Variants in CHN2 observed in about 807,000 individuals in gnomAD.
CHN2 encodes the protein chimerin 2, also known as beta-chimaerin.
A neutral mutation model predicts 56.3 loss-of-function variants in CHN2; 35 were observed. That is an observed-to-expected ratio of 0.62 (90% CI 0.47 to 0.82). The LOEUF is 0.82. CHN2 is among the 40% of genes least tolerant of loss of function. CHN2 has a pLI of 0.00. For synonymous variants in CHN2, 210 were observed against 212.8 expected (o/e 0.99, Z 0.12); for missense variants, 491 against 580.5 (o/e 0.85, Z 1.58).
intron 6 of CHN2, among the ~76,000 whole-genome samples, chr7:29,457,996 T>C (rs1444860124): frequency 1.3e-5 from 2 of 152,214 alleles, no homozygotes; most frequent in Admixed American, 6.5e-5. Context: ...AAATAAATCA[T>C]AGTAATACTA....
At chr7:29,366,900 A>G (rs1799208866) in intron 2 of CHN2, among the ~76,000 whole-genome samples, 1 of 152,366 alleles carries the variant, frequency 6.6e-6, no homozygotes, top group Admixed American at 6.5e-5. Flanking sequence ...CCATATGATC[A>G]CTACCCTTCA....
intron 2 of CHN2, among the ~76,000 whole-genome samples, chr7:29,177,278 G>A (rs1166468178): frequency 1.3e-5 from 2 of 149,684 alleles, no homozygotes; most frequent in Non-Finnish European, 1.5e-5. Context: ...TTTTGAGACA[G>A]AGTCTCACTC....
At chr7:29,217,386 C>CT in intron 1 of CHN2, among the ~76,000 whole-genome samples, 1 of 152,264 alleles carries the variant, frequency 6.6e-6, no homozygotes, top group East Asian at 1.9e-4. Flanking sequence ...CTCAAGGGCT[C>CT]TTTATCAGTC....
intron 1 of CHN2, among the ~76,000 whole-genome samples, chr7:29,321,029 G>A (rs1795302740): frequency 1.3e-5 from 2 of 152,232 alleles, no homozygotes; most frequent in Admixed American, 1.3e-4. Flanking sequence ...CCTTGAGAAT[G>A]AGATCGCTTT....
chr7:29,327,859 A>G lies in CHN2; in HGVS notation c.50-26766A>G, dbSNP rs138290141. ...AGTTTGGTCTTTGCACTTATTTTTT[A>G]TTCATTTTGTAGCCGGAATGTTGTT... On this transcript the variant is annotated intron_variant, in intron 1 of 12. Transcript: ENST00000222792. Among the ~76,000 whole-genome samples the G allele has an allele frequency of 2.8e-3, 432 of 152,282 alleles. 1 individual carries two copies. The highest frequency in any genetic ancestry group is 1.0e-2 in the African/African-American group (415 of 41,572).
chr7:29,354,972 A>ATTTT (rs869304476), intron 2 of CHN2, among the ~76,000 whole-genome samples: 9 of 135,316 alleles, frequency 6.7e-5, no homozygotes, highest in African/African-American at 2.3e-4. Flanking sequence ...TTATTTATTT[A>ATTTT]TTTTTTATTT....
chr7:29,261,749 G>A lies in CHN2; in HGVS notation c.49+66759G>A, dbSNP rs546896837. On this transcript the variant is annotated intron_variant, in intron 1 of 12. Transcript: ENST00000222792. ...GCTCATAGAGGTCACCTAATGGAAT[G>A]ACTTTAAAAAGGAAGGAAATCTGCA... is the stretch of plus-strand genomic sequence containing the variant. Among the ~76,000 whole-genome samples the A allele has an allele frequency of 4.6e-5, 7 of 152,306 alleles. No individual in the cohort carries two copies. The South Asian group carries it at 1.5e-3, about 32-fold the overall frequency.
At chr7:29,316,311 T>C (rs1384599918) in intron 1 of CHN2, among the ~76,000 whole-genome samples, 3 of 152,192 alleles carry the variant, frequency 2.0e-5, no homozygotes, top group Non-Finnish European at 2.9e-5. Flanking sequence ...TAAAATCAGG[T>C]CTTATAAGAT....
chr7:29,436,747 C>G (rs1247514489), intron 6 of CHN2, among the ~76,000 whole-genome samples: 1 of 152,114 alleles, frequency 6.6e-6, no homozygotes, highest in African/African-American at 2.4e-5. Context: ...ATTTCTGATA[C>G]TTCTGATTCT....
chr7:29,335,669 CTT>C (rs1489197946), intron 1 of CHN2: 1 of 152,226 alleles, frequency 6.6e-6, no homozygotes, highest in Non-Finnish European at 1.5e-5. Context: ...AGGAAGGAGA[CTT>C]ACAATAAACT....
intron 2 of CHN2, among the ~76,000 whole-genome samples, chr7:29,175,278 G>T (rs1797153594): frequency 6.6e-6 from 1 of 151,688 alleles, no homozygotes; most frequent in Non-Finnish European, 1.5e-5. Flanking sequence ...GGGTTCAAGT[G>T]ATTCTCCTGC....
intron 1 of CHN2, chr7:29,212,973 C>G: frequency 6.2e-7 from 1 of 1,609,548 alleles, no homozygotes; most frequent in Non-Finnish European, 8.5e-7. Context: ...ACACTCAGAC[C>G]TGGTGCACCC....
intron 10 of CHN2, 22 bp from the exon 11 acceptor site, chr7:29,507,206 T>G: frequency 2.5e-6 from 4 of 1,596,384 alleles, no homozygotes; most frequent in African/African-American, 1.4e-5. Context: ...AATTAGGACT[T>G]GGATCACTGA....
chr7:29,394,548 A>G (rs535862275), intron 4 of CHN2, among the ~76,000 whole-genome samples: 1 of 152,264 alleles, frequency 6.6e-6, no homozygotes, highest in Non-Finnish European at 1.5e-5. Flanking sequence ...AGCCCCGTGC[A>G]CCTTCCTAAT....
intron 2 of CHN2, among the ~76,000 whole-genome samples, chr7:29,188,605 T>C (rs1406391050): frequency 1.3e-5 from 2 of 151,788 alleles, no homozygotes; most frequent in Non-Finnish European, 2.9e-5. Flanking sequence ...GAAATGAAAA[T>C]ATTGATTCAG....
At chr7:29,348,163 C>T (rs569300607) in intron 1 of CHN2, among the ~76,000 whole-genome samples, 49 of 152,266 alleles carry the variant, frequency 3.2e-4, no homozygotes, top group Middle Eastern at 3.4e-3. Context: ...GCTTTTATGC[C>T]ACCTATTCCC....
At chr7:29,314,443 A>T (rs137974784) in intron 1 of CHN2, among the ~76,000 whole-genome samples, 2 of 152,204 alleles carry the variant, frequency 1.3e-5, no homozygotes, top group East Asian at 3.8e-4. Context: ...GGATGAGGAG[A>T]GTTCTAAAGA....
chr7:29,336,658 T>A (rs1796634467), intron 1 of CHN2, among the ~76,000 whole-genome samples: 1 of 147,488 alleles, frequency 6.8e-6, no homozygotes, highest in Non-Finnish European at 1.5e-5. Flanking sequence ...TACTCCAGAG[T>A]CTGAGGCAGA....
At chr7:29,178,906 A>G (rs1291364650) in intron 2 of CHN2, among the ~76,000 whole-genome samples, 1 of 152,228 alleles carries the variant, frequency 6.6e-6, no homozygotes, top group Non-Finnish European at 1.5e-5. Flanking sequence ...GAGTTATTAC[A>G]AACTAATAAA....
Sources: gnomAD v4.1 joint callset for allele counts (sites outside exome capture counted in the v4.1 genomes callset) on GRCh38, gnomAD v4.1.1 for gene constraint, MANE v1.5 for transcripts, NCBI Gene and HGNC (gene_info 2026-07-23, HGNC 2026-07-21) for gene names.